Variants in NETO1 observed in about 807,000 individuals in gnomAD.
NETO1 encodes the protein neuropilin and tolloid like 1.
NETO1 carries 26 observed loss-of-function variants against 61.3 expected under a neutral mutation model. That is an observed-to-expected ratio of 0.42 (90% CI 0.31 to 0.59). The LOEUF (loss-of-function observed/expected upper bound fraction) is 0.59. Ranked by LOEUF, NETO1 falls within the 20% of genes least tolerant of loss-of-function variation. The probability of loss-of-function intolerance (pLI) is 0.12; values close to 1 mark genes in which losing one functional copy is unlikely to be tolerated. For synonymous variants in NETO1, 225 were observed against 225.8 expected (o/e 1.00, Z 0.03); for missense variants, 531 against 662.8 (o/e 0.80, Z 2.18).
intron 4 of NETO1, among the ~76,000 whole-genome samples, chr18:72,813,886 T>G (rs2072947127): frequency 6.6e-6 from 1 of 151,962 alleles, no homozygotes; most frequent in South Asian, 2.1e-4. Flanking sequence ...TTTTCAAAAC[T>G]GTTGAAAAAG....
At chr18:72,784,201 C>G (rs2145231986) in intron 6 of NETO1, among the ~76,000 whole-genome samples, 1 of 141,232 alleles carries the variant, frequency 7.1e-6, no homozygotes, top group South Asian at 2.2e-4. Flanking sequence ...ACTAGTTTTG[C>G]ATACTTACAC....
At chr18:72,748,886 T>C (rs2070495195) in intron 10 of NETO1, 128 bp downstream of exon 10, 1 of 696,488 alleles carries the variant, frequency 1.4e-6, no homozygotes, top group Admixed American at 2.5e-5. Flanking sequence ...TTTCTAATTG[T>C]GAAATGTCAT....
At chr18:72,769,066 A>C (rs17086299) in intron 7 of NETO1, among the ~76,000 whole-genome samples, 30,170 of 152,182 alleles carry the variant, frequency 0.2, 3,774 homozygotes, top group South Asian at 0.27. Flanking sequence ...TGATGAGAAA[A>C]GTTAAGATGA....
At chr18:72,765,061 T>C (rs1255528170) in intron 7 of NETO1, among the ~76,000 whole-genome samples, 1 of 152,202 alleles carries the variant, frequency 6.6e-6, no homozygotes, top group Admixed American at 6.5e-5. Flanking sequence ...TTTCACTTTG[T>C]TGAAGACACC....
Position 72,748,999 on chromosome 18 carries a change from A to C in NETO1, c.*14+15T>G, listed in dbSNP as rs1568166955. 6.4e-7 allele frequency: 1 copy of C among 1,557,814 alleles called. No individual in the cohort carries two copies. The highest frequency in any genetic ancestry group is 1.7e-5 in the Admixed American group (1 of 59,756). On this transcript the variant is annotated intron_variant, in intron 10 of 10. Transcript: ENST00000327305. Reference sequence around the variant, plus strand: ...TACGACAAAGTAGGAAAAGGAACCAAGGGCATCTGCTTACCTTGAATTTTC... The same window carrying C: ...TACGACAAAGTAGGAAAAGGAACCACGGGCATCTGCTTACCTTGAATTTTC...
At chr18:72,789,274 T>C (rs1053658079) in intron 6 of NETO1, among the ~76,000 whole-genome samples, 1 of 150,290 alleles carries the variant, frequency 6.7e-6, no homozygotes, top group African/African-American at 2.5e-5. Context: ...ATTCCTGATA[T>C]AACAATAAAA....
intron 4 of NETO1, among the ~76,000 whole-genome samples, chr18:72,796,556 A>T (rs2072319029): frequency 6.6e-6 from 1 of 152,066 alleles, no homozygotes; most frequent in Non-Finnish European, 1.5e-5. Flanking sequence ...GTCTCACTGC[A>T]AGCTTCACCT....
In NETO1 at chr18:72,797,670, C is replaced by T. The variant is rs897281710; in HGVS notation, c.470-3266G>A. Among the ~76,000 whole-genome samples, 6 of 152,288 alleles carry T rather than the reference C, an allele frequency of 3.9e-5. No homozygotes were observed. The South Asian group carries it at 1.0e-3, about 26-fold the overall frequency. On this transcript the variant is annotated intron_variant, in intron 4 of 10. Coordinates refer to ENST00000327305, the MANE Select transcript of NETO1 (RefSeq NM_138966.5). ...CATGTAAATCGAATCATGGAACTCT[C>T]CTGGTTTTCCACTGCCCTTAGAGTA...
intron 6 of NETO1, among the ~76,000 whole-genome samples, chr18:72,789,488 G>A (rs890454708): frequency 1.3e-5 from 2 of 152,034 alleles, no homozygotes; most frequent in Non-Finnish European, 2.9e-5. Flanking sequence ...TCAATCTTCA[G>A]AACCCTTGAT....
chr18:72,821,900 G>A (rs976443867), intron 4 of NETO1, among the ~76,000 whole-genome samples: 1 of 152,196 alleles, frequency 6.6e-6, no homozygotes, highest in African/African-American at 2.4e-5. Context: ...TTCATGGGAT[G>A]TCTTCCTCAG....
At chr18:72,755,518 G>C (rs547342450) in intron 8 of NETO1, among the ~76,000 whole-genome samples, 6 of 152,138 alleles carry the variant, frequency 3.9e-5, no homozygotes, top group Non-Finnish European at 8.8e-5. Flanking sequence ...ATAGACAAGG[G>C]AAGGAGGCAA....
chr18:72,849,703 C>A (rs1042304969), intron 4 of NETO1, among the ~76,000 whole-genome samples: 2 of 152,104 alleles, frequency 1.3e-5, no homozygotes, highest in Admixed American at 6.6e-5. Context: ...CAACTTAGAA[C>A]CTTAATAAAC....
chr18:72,767,894 T>C (rs1245743892), intron 7 of NETO1, among the ~76,000 whole-genome samples: 1 of 152,112 alleles, frequency 6.6e-6, no homozygotes, highest in Non-Finnish European at 1.5e-5. Context: ...TGTTGTTATC[T>C]CACTAACGGA....
intron 8 of NETO1, among the ~76,000 whole-genome samples, chr18:72,753,782 AT>A (rs2070701301): frequency 6.6e-6 from 1 of 152,170 alleles, no homozygotes; most frequent in Non-Finnish European, 1.5e-5. Context: ...AATGCAATAT[AT>A]TTGGTGACAA....
At chr18:72,835,464 T>G in intron 4 of NETO1, 1 of 480,742 alleles carries the variant, frequency 2.1e-6, no homozygotes, top group Non-Finnish European at 3.7e-6. Flanking sequence ...CTCCTGTTTA[T>G]TCTATTCTAG....
chr18:72,864,351 T>C (rs1239370450), intron 3 of NETO1, among the ~76,000 whole-genome samples: 6 of 152,186 alleles, frequency 3.9e-5, no homozygotes, highest in Admixed American at 6.5e-5. Flanking sequence ...ATCTTTCAGA[T>C]TGGTGTTTAG....
intron 4 of NETO1, among the ~76,000 whole-genome samples, chr18:72,815,850 T>C (rs573330934): frequency 1.3e-5 from 2 of 152,234 alleles, no homozygotes; most frequent in South Asian, 2.1e-4. Flanking sequence ...AGCTGTGTTA[T>C]TTAGTGGCAG....
chr18:72,756,687 T>C (rs2070794823), intron 7 of NETO1, among the ~76,000 whole-genome samples: 1 of 152,030 alleles, frequency 6.6e-6, no homozygotes, highest in African/African-American at 2.4e-5. Context: ...ACATAAAAAA[T>C]ATATTATGCT....
intron 3 of NETO1, among the ~76,000 whole-genome samples, chr18:72,859,856 T>A (rs1021304906): frequency 6.6e-6 from 1 of 152,142 alleles, no homozygotes; most frequent in Non-Finnish European, 1.5e-5. Context: ...AAATCTGATC[T>A]TGAAAGACAA....
Sources: allele counts gnomAD v4.1 joint callset (sites outside exome capture counted in the v4.1 genomes callset), GRCh38; gene constraint gnomAD v4.1.1; transcripts MANE v1.5; gene names NCBI Gene and HGNC (gene_info 2026-07-23, HGNC 2026-07-21).